The following MYLK variants were observed in gnomAD, a reference collection of about 807,000 sequenced individuals.
The protein encoded by MYLK is myosin light chain kinase.
MYLK carries 106 observed loss-of-function variants against 203.4 expected under a neutral mutation model. That is an observed-to-expected ratio of 0.52 (90% confidence interval 0.45 to 0.61). MYLK has a LOEUF of 0.61. Ranked by LOEUF, MYLK falls within the 20% of genes least tolerant of loss-of-function variation. The pLI is 0.00. For synonymous variants in MYLK, 867 were observed against 959.5 expected (o/e 0.90, Z 1.78); for missense variants, 2,072 against 2,442.3 (o/e 0.85, Z 3.20).
chr3:123,713,424 T>C (rs1012069876), intron 13 of MYLK, among the ~76,000 whole-genome samples: 1 of 152,092 alleles, frequency 6.6e-6, no homozygotes, highest in African/African-American at 2.4e-5. Context: ...GGATGTTACG[T>C]AGGCGTCCCT....
chr3:123,833,676 A>G (rs1228241965), intron 2 of MYLK, among the ~76,000 whole-genome samples: 1 of 152,224 alleles, frequency 6.6e-6, no homozygotes, highest in Non-Finnish European at 1.5e-5. Flanking sequence ...GCCACTCACA[A>G]GAAAACAAAA....
chr3:123,758,676 C>T (rs1313170860), intron 4 of MYLK, among the ~76,000 whole-genome samples: 1 of 152,112 alleles, frequency 6.6e-6, no homozygotes, highest in African/African-American at 2.4e-5. Context: ...CAATTCAAGC[C>T]CTTCTGGACC....
At chr3:123,880,562 C>T (rs1268986606) in intron 1 of MYLK, among the ~76,000 whole-genome samples, 2 of 151,798 alleles carry the variant, frequency 1.3e-5, no homozygotes, top group Admixed American at 1.3e-4. Context: ...CTCCAGAGGG[C>T]TCTGCACTGA....
At chr3:123,846,456 A>G (rs73857533) in intron 2 of MYLK, among the ~76,000 whole-genome samples, 30 of 152,322 alleles carry the variant, frequency 2.0e-4, no homozygotes, top group African/African-American at 7.2e-4. Flanking sequence ...TATAGTATGC[A>G]TAATATTTCA....
chr3:123,784,191 G>A (rs541608486), intron 4 of MYLK, among the ~76,000 whole-genome samples: 4 of 152,242 alleles, frequency 2.6e-5, no homozygotes, highest in African/African-American at 4.8e-5. Context: ...ACACAGTGAC[G>A]GCACCCTCTG....
chr3:123,851,526 G>C (rs560779076), intron 2 of MYLK, among the ~76,000 whole-genome samples: 830 of 80,984 alleles, frequency 0.01, 6 homozygotes, highest in African/African-American at 0.04. Flanking sequence ...GGAGTTCACT[G>C]ATGATTTGCC....
intron 2 of MYLK, among the ~76,000 whole-genome samples, chr3:123,855,705 G>A (rs1191735709): frequency 6.6e-6 from 1 of 151,908 alleles, no homozygotes; most frequent in Non-Finnish European, 1.5e-5. Context: ...AGGAGAAGGA[G>A]ATCATCTGTG....
intron 16 of MYLK, among the ~76,000 whole-genome samples, chr3:123,701,775 T>A (rs887034250): frequency 3.9e-5 from 6 of 152,230 alleles, no homozygotes; most frequent in African/African-American, 1.4e-4. Context: ...GGAACACTTT[T>A]CTGTAAGTAT....
rs368902808 is a variant in MYLK, at chr3:123,692,727, C to T, written c.3565+8G>A. 5.2e-5 allele frequency: 83 copies of T among 1,603,812 alleles called. 2 individuals carry two copies. The South Asian group carries it at 7.4e-4, about 14-fold the overall frequency. Reference sequence around the variant, plus strand: ...TATGGGTGGCGGCGATGGGTGGGCACGACCTACCATCCACGGTGACTTGGC... The same window carrying T: ...TATGGGTGGCGGCGATGGGTGGGCATGACCTACCATCCACGGTGACTTGGC... On this transcript the variant is annotated splice_region_variant and intron_variant, in intron 19 of 33. Coordinates refer to ENST00000360304, the MANE Select transcript of MYLK (RefSeq NM_053025.4).
chr3:123,636,364 G>A (rs936917886), intron 29 of MYLK, among the ~76,000 whole-genome samples: 1 of 152,258 alleles, frequency 6.6e-6, no homozygotes, highest in African/African-American at 2.4e-5. Flanking sequence ...TGGGTTTGTT[G>A]TGAGCATCAA....
chr3:123,787,412 C>A (rs1329102787), intron 4 of MYLK, among the ~76,000 whole-genome samples: 1 of 152,148 alleles, frequency 6.6e-6, no homozygotes, highest in Non-Finnish European at 1.5e-5. Context: ...AGAAGAAGTA[C>A]ACGGCCAAAT....
Position 123,793,685 on chromosome 3 carries a change from C to G in MYLK, c.157G>C (p.Glu53Gln), listed in dbSNP as rs376586087. The G allele has an allele frequency of 6.2e-7, 1 of 1,614,138 alleles. No homozygotes were observed. The highest frequency in any genetic ancestry group is 8.5e-7 in the Non-Finnish European group (1 of 1,180,000). The change falls in exon 4 of 34, where the codon GAA becomes CAA. Residue 53 changes from glutamate to glutamine, a missense_variant. Around this residue, in one of 3 missense-constraint regions of MYLK, gnomAD observed 683 missense variants for 643.8 expected, o/e 1.06. Transcript: ENST00000360304. ...CCAGCCACACTTCTTACCCGCCCTT[C>G]GAACTTGGCGGTGGCTCCTTCTTTG... is the stretch of plus-strand genomic sequence containing the variant. ...CIKEGATAKF[E>Q]GRVRGYPEPQ...
intron 5 of MYLK, among the ~76,000 whole-genome samples, chr3:123,747,022 A>G (rs2063039687): frequency 6.6e-6 from 1 of 152,138 alleles, no homozygotes; most frequent in South Asian, 2.1e-4. Flanking sequence ...GTAATTTAAA[A>G]CTCAGCCAGT....
chr3:123,772,098 T>A (rs2063903129), intron 4 of MYLK, among the ~76,000 whole-genome samples: 1 of 152,148 alleles, frequency 6.6e-6, no homozygotes, highest in African/African-American at 2.4e-5. Flanking sequence ...GGAACAAATT[T>A]AAGAAATGTG....
At chr3:123,854,935 G>A (rs950439420) in intron 2 of MYLK, among the ~76,000 whole-genome samples, 3 of 152,086 alleles carry the variant, frequency 2.0e-5, no homozygotes, top group South Asian at 2.1e-4. Flanking sequence ...CTCTCTTGTT[G>A]CTGATGAAAT....
At chr3:123,701,237 C>CAAAAAA (rs35577296) in intron 17 of MYLK, among the ~76,000 whole-genome samples, 1 of 116,260 alleles carries the variant, frequency 8.6e-6, no homozygotes, top group Non-Finnish European at 1.7e-5. Flanking sequence ...AGGGTGTGTG[C>CAAAAAA]AAAAAAAAAA....
At chr3:123,803,032 G>T (rs2065248681) in intron 3 of MYLK, among the ~76,000 whole-genome samples, 1 of 152,078 alleles carries the variant, frequency 6.6e-6, no homozygotes, top group African/African-American at 2.4e-5. Context: ...CTCAGGTAGG[G>T]GCAGCCTCAC....
At chr3:123,683,284 A>AGTGGGG (rs1354597846) in intron 19 of MYLK, among the ~76,000 whole-genome samples, 1 of 9,128 alleles carries the variant, frequency 1.1e-4, no homozygotes, top group Non-Finnish European at 1.9e-4. Flanking sequence ...GAGGAAGCTA[A>AGTGGGG]GTGGGGGTGG....
At chr3:123,630,167 G>A (rs768721517) in intron 29 of MYLK, among the ~76,000 whole-genome samples, 5 of 152,200 alleles carry the variant, frequency 3.3e-5, no homozygotes, top group African/African-American at 1.2e-4. Context: ...AATCAGCAAT[G>A]TAGGTTCGGG....
Sources: allele counts gnomAD v4.1 joint callset (sites outside exome capture counted in the v4.1 genomes callset), GRCh38; gene constraint gnomAD v4.1.1; regional missense constraint gnomAD v4.1.1; transcripts MANE v1.5; gene names NCBI Gene and HGNC (gene_info 2026-07-23, HGNC 2026-07-21).